Variants in UBE2E2 observed in about 807,000 individuals in gnomAD.
The protein encoded by UBE2E2 is ubiquitin-conjugating enzyme E2 E2.
In UBE2E2, 6 loss-of-function variants were observed where a neutral mutation model predicts 24.7. That is an observed-to-expected ratio of 0.24 (90% CI 0.13 to 0.48). The LOEUF is 0.48. UBE2E2 is among the 20% of genes least tolerant of loss of function. The pLI, the probability that UBE2E2 is intolerant of heterozygous loss-of-function variation, is 0.99. For missense variants in UBE2E2, 169 were observed against 245.0 expected (o/e 0.69, Z 2.07); for synonymous variants, 104 against 83.6 (o/e 1.24, Z -1.33).
chr3:23,396,178 A>C (rs1239887896), intron 3 of UBE2E2, among the ~76,000 whole-genome samples: 1 of 151,252 alleles, frequency 6.6e-6, no homozygotes, highest in Non-Finnish European at 1.5e-5. Context: ...TATATGGCAG[A>C]ACTTAATTTT....
At chr3:23,501,143 C>T (rs1699711867) in intron 4 of UBE2E2, among the ~76,000 whole-genome samples, 1 of 152,184 alleles carries the variant, frequency 6.6e-6, no homozygotes, top group Admixed American at 6.5e-5. Flanking sequence ...CTTTCTCAGC[C>T]TCTACAGTAA....
At chr3:23,410,713 A>G (rs192317448) in intron 3 of UBE2E2, among the ~76,000 whole-genome samples, 5 of 152,326 alleles carry the variant, frequency 3.3e-5, no homozygotes, top group African/African-American at 1.2e-4. Context: ...AAGTGGAGAT[A>G]TATGTAAATA....
At chr3:23,553,978 A>G (rs1357803369) in intron 5 of UBE2E2, among the ~76,000 whole-genome samples, 2 of 152,162 alleles carry the variant, frequency 1.3e-5, no homozygotes, top group African/African-American at 4.8e-5. Context: ...ACCAAAAGCA[A>G]TATGCAGATC....
At chr3:23,213,609 G>C (rs1405472213) in intron 2 of UBE2E2, among the ~76,000 whole-genome samples, 1 of 152,116 alleles carries the variant, frequency 6.6e-6, no homozygotes, top group Non-Finnish European at 1.5e-5. Context: ...ACTGCCTTAT[G>C]AAAATTGGAA....
At chr3:23,568,116 G>T (rs555426303) in intron 5 of UBE2E2, among the ~76,000 whole-genome samples, 1 of 152,158 alleles carries the variant, frequency 6.6e-6, no homozygotes, top group Non-Finnish European at 1.5e-5. Context: ...TCAAAGGCAG[G>T]CAGAATGGTC....
chr3:23,345,612 A>C (rs1258803731), intron 3 of UBE2E2, among the ~76,000 whole-genome samples: 1 of 152,214 alleles, frequency 6.6e-6, no homozygotes, highest in Non-Finnish European at 1.5e-5. Flanking sequence ...TTGTGGAAGA[A>C]AATAGGTATA....
intron 3 of UBE2E2, among the ~76,000 whole-genome samples, chr3:23,309,393 A>G (rs1699317385): frequency 1.3e-5 from 2 of 152,232 alleles, no homozygotes; most frequent in African/African-American, 4.8e-5. Context: ...TAGATATTTC[A>G]AATACCTCAT....
chr3:23,322,814 A>G (rs1367346060), intron 3 of UBE2E2, among the ~76,000 whole-genome samples: 2 of 151,978 alleles, frequency 1.3e-5, no homozygotes, highest in Non-Finnish European at 2.9e-5. Context: ...TATTTTCTCT[A>G]TAATTTAATA....
chr3:23,329,997 C>T (rs1322564849), intron 3 of UBE2E2, among the ~76,000 whole-genome samples: 2 of 152,098 alleles, frequency 1.3e-5, no homozygotes, highest in Non-Finnish European at 2.9e-5. Flanking sequence ...CTTAATTGTG[C>T]ATTTAAAAAA....
intron 3 of UBE2E2, among the ~76,000 whole-genome samples, chr3:23,317,858 C>T (rs987174940): frequency 1.3e-5 from 2 of 151,956 alleles, no homozygotes; most frequent in Non-Finnish European, 2.9e-5. Context: ...GACCCTCTTT[C>T]TTACCCTTTT....
At position 23,245,512 on chromosome 3, in the gene UBE2E2, T is replaced by C. The variant is rs145212211; in HGVS notation, c.227+28200T>C. On this transcript the variant is annotated intron_variant, in intron 3 of 5. Transcript: ENST00000396703. ...CCTTAAAGGATATAATTCTTTCAAA[T>C]TGACTGAATTGACACAAAATATTGG... is the stretch of plus-strand genomic sequence containing the variant. Among the ~76,000 whole-genome samples, 137 of 152,262 alleles carry C rather than the reference T, an allele frequency of 9.0e-4. 5 individuals carry two copies. In the East Asian group the frequency reaches 0.013, roughly 15 times the overall value.
intron 3 of UBE2E2, among the ~76,000 whole-genome samples, chr3:23,379,853 G>C (rs1164507922): frequency 6.6e-6 from 1 of 152,108 alleles, no homozygotes; most frequent in African/African-American, 2.4e-5. Context: ...GGGCAGAAAG[G>C]AGTTTGGTCC....
chr3:23,488,087 A>G (rs1350604536), intron 3 of UBE2E2, among the ~76,000 whole-genome samples: 1 of 152,188 alleles, frequency 6.6e-6, no homozygotes, highest in African/African-American at 2.4e-5. Flanking sequence ...TTTCATAGCC[A>G]AGAAACAAAA....
At chr3:23,486,244 G>A (rs766587029) in intron 3 of UBE2E2, among the ~76,000 whole-genome samples, 45 of 152,138 alleles carry the variant, frequency 3.0e-4, no homozygotes, top group East Asian at 1.7e-3. Flanking sequence ...TGCCAGCTCC[G>A]TGCAAGGCTG....
At chr3:23,244,250 C>T (rs1340072102) in intron 3 of UBE2E2, among the ~76,000 whole-genome samples, 2 of 151,920 alleles carry the variant, frequency 1.3e-5, no homozygotes, top group African/African-American at 4.8e-5. Flanking sequence ...AGAATTTTAA[C>T]CAAGAAAGAC....
chr3:23,315,873 G>A (rs972457641), intron 3 of UBE2E2, among the ~76,000 whole-genome samples: 3 of 152,138 alleles, frequency 2.0e-5, no homozygotes, highest in African/African-American at 7.2e-5. Context: ...TTGCAGACCT[G>A]TAGAGGTACC....
chr3:23,574,102 A>G (rs1696288105), intron 5 of UBE2E2, among the ~76,000 whole-genome samples: 2 of 152,186 alleles, frequency 1.3e-5, no homozygotes, highest in Admixed American at 1.3e-4. Context: ...TCATTATGTT[A>G]AGTGAAATAA....
chr3:23,446,900 C>T (rs1025575589), intron 3 of UBE2E2, among the ~76,000 whole-genome samples: 1 of 151,890 alleles, frequency 6.6e-6, no homozygotes, highest in African/African-American at 2.4e-5. Flanking sequence ...ATTTCAGGTC[C>T]CCCAGTATTG....
chr3:23,560,386 G>C (rs1393603116), intron 5 of UBE2E2, among the ~76,000 whole-genome samples: 1 of 152,064 alleles, frequency 6.6e-6, no homozygotes, highest in East Asian at 1.9e-4. Context: ...TCCCTACAAA[G>C]GACATGAACT....
Sources: gnomAD v4.1 joint callset for allele counts (sites outside exome capture counted in the v4.1 genomes callset) on GRCh38, gnomAD v4.1.1 for gene constraint, MANE v1.5 for transcripts, NCBI Gene and HGNC (gene_info 2026-07-23, HGNC 2026-07-21) for gene names.